The following ACOT2 variants were observed in gnomAD, a reference collection of about 807,000 sequenced individuals.
The protein encoded by ACOT2 is acyl-CoA thioesterase 2, also known as acyl-coenzyme A thioesterase 2, mitochondrial.
Under a neutral mutation model 20.1 loss-of-function variants are expected in ACOT2, and 15 were observed. That is an observed-to-expected ratio of 0.75 (90% CI 0.50 to 1.15). ACOT2 has a LOEUF of 1.15. ACOT2 is among the 50% of genes most tolerant of loss of function. ACOT2 has a pLI of 0.00. For missense variants in ACOT2, 479 were observed against 615.3 expected (o/e 0.78, Z 2.34); for synonymous variants, 252 against 268.4 (o/e 0.94, Z 0.60).
chr14:73,573,768 C>G (rs1595171262), intron 2 of ACOT2, among the ~76,000 whole-genome samples, 178 bp downstream of exon 2: 1 of 151,842 alleles, frequency 6.6e-6, no homozygotes. Flanking sequence ...CACTCTGTTG[C>G]CAGGCTGGAG....
upstream of ACOT2, among the ~76,000 whole-genome samples, chr14:73,568,689 G>A (rs1005206007): frequency 1.3e-5 from 2 of 152,024 alleles, no homozygotes; most frequent in African/African-American, 4.8e-5. Flanking sequence ...GGAGGCTGAG[G>A]CGGGCGGATT....
intron 2 of ACOT2, 25 bp downstream of exon 2, chr14:73,573,615 G>T (rs200422545): frequency 6.2e-7 from 1 of 1,612,588 alleles, no homozygotes; most frequent in East Asian, 2.2e-5. Flanking sequence ...CAGATTTATG[G>T]GCTATGATGT....
At chr14:73,574,818 G>A (rs896135795) in intron 2 of ACOT2, 90 bp from the exon 3 acceptor site, 3 of 1,598,962 alleles carry the variant, frequency 1.9e-6, no homozygotes, top group Non-Finnish European at 2.6e-6. Flanking sequence ...TTCAGACTCA[G>A]GTTCAACTAA....
At chr14:73,572,926 G>A (rs1311553293) in intron 1 of ACOT2, among the ~76,000 whole-genome samples, 10 of 151,262 alleles carry the variant, frequency 6.6e-5, no homozygotes, top group African/African-American at 2.5e-4. Flanking sequence ...GGTTACAGGC[G>A]TGAGCCACCG....
chr14:73,574,683 GAA>G (rs1382695689), intron 2 of ACOT2, among the ~76,000 whole-genome samples: 1 of 152,016 alleles, frequency 6.6e-6, no homozygotes, highest in Non-Finnish European at 1.5e-5. Context: ...AGAAACCAGA[GAA>G]TAATTGATAG....
chr14:73,574,083 C>T (rs1464596700), intron 2 of ACOT2, among the ~76,000 whole-genome samples: 1 of 151,196 alleles, frequency 6.6e-6, no homozygotes, highest in Non-Finnish European at 1.5e-5. Flanking sequence ...GTTGGCCAGG[C>T]TGGTCTCAAA....
Position 73,575,482 on chromosome 14 carries a change from G to C in ACOT2, c.1421G>C (p.Gly474Ala). The C allele has an allele frequency of 6.7e-7, 1 of 1,499,472 alleles. No homozygotes were observed. The highest frequency in any genetic ancestry group is 2.4e-5 in the East Asian group (1 of 42,380). The allele number at this position is 1,499,472 out of a possible 1,614,324, so 92.9% of individuals were successfully genotyped here. A position where few individuals can be genotyped will look rare whatever the true frequency, so the allele number is the denominator to read the frequency against. ...ACTTTCTTCCACAAACACTTGGGTG[G>C]CCACGAGGGGACAATCCCATCAAAA... ...LQTFFHKHLG[G>A]HEGTIPSKV The change falls in exon 3 of 3, where the codon GGC becomes GCC. Residue 474 changes from glycine (G) to alanine (A), a missense_variant. By Grantham distance (60) the Gly-to-Ala change is moderately conservative. Around this residue, in one of 4 missense-constraint regions of ACOT2, gnomAD observed 40 missense variants for 93.4 expected, o/e 0.43. Transcript: ENST00000238651.
Position 73,569,568 on chromosome 14 carries a change from G to A in ACOT2, c.328G>A (p.Ala110Thr), listed in dbSNP as rs1185555584. 2 of 1,599,668 alleles carry A rather than the reference G, an allele frequency of 1.3e-6. No homozygotes were observed. The highest frequency in any genetic ancestry group is 8.5e-7 in the Non-Finnish European group (1 of 1,174,838). ...LRDEKGALFQ[A>T]HARYRADTLG... ...CGACGAGAAGGGCGCGCTTTTCCAG[G>A]CCCACGCGCGCTACCGCGCCGACAC... Residue 110 changes from alanine to threonine, a missense_variant, in exon 1 of 3, where the codon GCC becomes ACC. Coordinates refer to ENST00000238651, the MANE Select transcript of ACOT2 (RefSeq NM_006821.6).
chr14:73,571,586 AGT>A (rs1889751550), intron 1 of ACOT2: 1 of 151,290 alleles, frequency 6.6e-6, no homozygotes, highest in Non-Finnish European at 1.5e-5. Context: ...GTGCTGCTGC[AGT>A]GTCACATGCA....
upstream of ACOT2, chr14:73,568,182 T>C (rs1456936926): frequency 1.3e-5 from 2 of 151,854 alleles, no homozygotes; most frequent in African/African-American, 4.8e-5. Context: ...ACATGAGAGA[T>C]TTGGAACGAG....
chr14:73,572,757 T>C (rs886815922), intron 1 of ACOT2, among the ~76,000 whole-genome samples: 1 of 147,480 alleles, frequency 6.8e-6, no homozygotes, highest in Non-Finnish European at 1.5e-5. Flanking sequence ...GCGATTCTCC[T>C]CCCTCAGCCT....
chr14:73,571,596 G>A (rs1197843843), intron 1 of ACOT2: 1 of 151,200 alleles, frequency 6.6e-6, no homozygotes, highest in Non-Finnish European at 1.5e-5. Context: ...AGTGTCACAT[G>A]CAGCTCCCTG....
At position 73,569,302 on chromosome 14, in the gene ACOT2, TG is replaced by T. The variant is rs763909039; in HGVS notation, c.64del (p.Ala22ProfsTer17). The T allele has an allele frequency of 3.1e-6, 5 of 1,613,950 alleles. No homozygotes were observed. In the South Asian group the frequency reaches 3.3e-5, roughly 11 times the overall value. On this transcript the variant is annotated frameshift_variant, in exon 1 of 3. Transcript: ENST00000238651. LOFTEE classifies it high-confidence loss of function. ...GTTGTTCTCAGGTCTGAATTCAAAA[TG>T]GCCTCATCTCCTGCTGTCCTTCGAG... ...HSVVLRSEFK[M>X]ASSPAVLRAS...
intron 1 of ACOT2, among the ~76,000 whole-genome samples, chr14:73,570,282 T>G (rs1889698841): frequency 6.6e-6 from 1 of 151,152 alleles, no homozygotes; most frequent in Non-Finnish European, 1.5e-5. Flanking sequence ...TAAAAGACAT[T>G]GTAAGGGCCA....
At position 73,574,823 on chromosome 14, in the gene ACOT2, A is replaced by G; in HGVS notation, c.847-85A>G. ...AGAACCTAGATTCAGACTCAGGTTC[A>G]ACTAACTTCCAGGGTGGACACAACT... On this transcript the variant is annotated intron_variant, in intron 2 of 2. Coordinates refer to ENST00000238651, the MANE Select transcript of ACOT2 (RefSeq NM_006821.6). The G allele has an allele frequency of 1.9e-6, 3 of 1,601,652 alleles. No homozygotes were observed. The South Asian group carries it at 3.3e-5, about 18-fold the overall frequency.
intron 2 of ACOT2, 118 bp downstream of exon 2, chr14:73,573,708 C>T: frequency 8.3e-7 from 1 of 1,205,354 alleles, no homozygotes; most frequent in East Asian, 2.4e-5. Context: ...ACACACACTA[C>T]CTTTTTTAGT....
In ACOT2 at chr14:73,572,301, A is replaced by G. The variant is rs538494131; in HGVS notation, c.644-1087A>G. On this transcript the variant is annotated intron_variant, in intron 1 of 2. Transcript: ENST00000238651. ...TTCCAGCAGTCAAAGTGATTGAACTACAGCTACAAGAATCAACATCTATCA... is the reference window on the plus strand; with the variant it reads ...TTCCAGCAGTCAAAGTGATTGAACTGCAGCTACAAGAATCAACATCTATCA... Among the ~76,000 whole-genome samples, 49 of 151,442 alleles carry G rather than the reference A, an allele frequency of 3.2e-4. No individual in the cohort carries two copies. In the South Asian group the frequency reaches 9.5e-3, roughly 29 times the overall value.
rs146749806 is a variant in ACOT2, at chr14:73,573,391, C to T, written c.647C>T (p.Pro216Leu). The change falls in exon 2 of 3, where the codon CCT becomes CTT. Residue 216 changes from proline to leucine, a missense_variant. Physicochemically the swap from Pro to Leu is moderately conservative, Grantham distance 98 (BLOSUM62 -3). Transcript: ENST00000238651. ...TTTTGTTTTGTTTCTTCCCAAGAAC[C>T]TGGGCCCTTTCCTGGGATTGTGGAC... ...VRGTLFLPPE[P>L]GPFPGIVDMF... The T allele has an allele frequency of 2.5e-5, 41 of 1,613,560 alleles. No homozygotes were observed. In the African/African-American group the frequency reaches 4.8e-4, roughly 19 times the overall value.
intron 2 of ACOT2, among the ~76,000 whole-genome samples, chr14:73,574,092 AACTCC>A (rs1403269948): frequency 1.3e-5 from 2 of 151,598 alleles, no homozygotes; most frequent in Non-Finnish European, 2.9e-5. Context: ...GCTGGTCTCA[AACTCC>A]TGACCTCAAG....
Sources: gnomAD v4.1 joint callset for allele counts (sites outside exome capture counted in the v4.1 genomes callset) on GRCh38, gnomAD v4.1.1 for gene constraint, gnomAD v4.1.1 regional missense constraint, MANE v1.5 for transcripts, NCBI Gene and HGNC (gene_info 2026-07-23, HGNC 2026-07-21) for gene names.